TAF3: variants seen among roughly 807,000 people sequenced by gnomAD.
TAF3 encodes TATA-box binding protein associated factor 3.
TAF3 carries 7 observed loss-of-function variants against 80.6 expected under a neutral mutation model. The observed-to-expected ratio is 0.09, with a 90% CI of 0.05 to 0.16. TAF3 has a LOEUF of 0.16. Among genes scored for constraint, TAF3 ranks in the 10% least tolerant of loss-of-function variants. TAF3 has a pLI of 1.00. For missense variants in TAF3, 921 were observed against 1,140.2 expected (o/e 0.81, Z 2.77); for synonymous variants, 444 against 446.1 (o/e 1.00, Z 0.06).
At chr10:7,963,405 A>G (rs543298187) in intron 2 of TAF3, among the ~76,000 whole-genome samples, 1 of 152,336 alleles carries the variant, frequency 6.6e-6, no homozygotes, top group African/African-American at 2.4e-5. Flanking sequence ...TCCTGAGGTT[A>G]GGGCCAGACC....
chr10:7,997,941 G>A (rs192492718), intron 4 of TAF3, among the ~76,000 whole-genome samples: 1 of 152,056 alleles, frequency 6.6e-6, no homozygotes, highest in Admixed American at 6.6e-5. Context: ...TCTCACAAGT[G>A]ATGAAAAATT....
At chr10:7,846,508 G>C (rs1174894624) in intron 2 of TAF3, among the ~76,000 whole-genome samples, 2 of 152,074 alleles carry the variant, frequency 1.3e-5, no homozygotes, top group African/African-American at 4.8e-5. Context: ...CTCCAGTTTA[G>C]TTTTCAAGTT....
intron 2 of TAF3, among the ~76,000 whole-genome samples, chr10:7,865,614 C>T (rs1212289768): frequency 1.3e-5 from 2 of 152,242 alleles, no homozygotes; most frequent in South Asian, 2.1e-4. Context: ...GTGTCGCTGG[C>T]TTTAGCAGCC....
At chr10:7,963,429 A>G (rs1363598351) in intron 2 of TAF3, among the ~76,000 whole-genome samples, 1 of 152,238 alleles carries the variant, frequency 6.6e-6, no homozygotes, top group African/African-American at 2.4e-5. Context: ...TGAAAGGACA[A>G]TGATCAATTT....
chr10:7,874,269 T>G (rs1187871466), intron 2 of TAF3, among the ~76,000 whole-genome samples: 1 of 152,212 alleles, frequency 6.6e-6, no homozygotes, highest in Non-Finnish European at 1.5e-5. Context: ...CATTTAAACT[T>G]GTACTGATGA....
chr10:7,920,860 G>A (rs1291706982), intron 2 of TAF3, among the ~76,000 whole-genome samples: 1 of 152,170 alleles, frequency 6.6e-6, no homozygotes, highest in East Asian at 1.9e-4. Flanking sequence ...TTTTAACAGT[G>A]ATTTATACTG....
chr10:7,818,805 C>A lies in TAF3; in HGVS notation c.96C>A (p.His32Gln). Residue 32 changes from histidine to glutamine, a missense_variant, in exon 1 of 7, where the codon CAC (histidine) becomes CAA (glutamine). His to Gln is a conservative substitution (Grantham distance 24). Transcript: ENST00000344293. ...GWDSVQLSACHLLTDVLQRYL... is the reference protein window; with the variant it reads ...GWDSVQLSACQLLTDVLQRYL... ...ACTCGGTGCAGCTCAGCGCCTGCCA[C>A]CTCCTCACGGACGTGCTGCAGCGCT... 1 of 1,572,944 alleles carries A rather than the reference C, an allele frequency of 6.4e-7. No individual in the cohort carries two copies. The highest frequency in any genetic ancestry group is 8.6e-7 in the Non-Finnish European group (1 of 1,169,498).
intron 2 of TAF3, among the ~76,000 whole-genome samples, chr10:7,952,752 G>A (rs756822065): frequency 4.7e-4 from 71 of 152,256 alleles, no homozygotes; most frequent in Non-Finnish European, 8.4e-4. Flanking sequence ...TGGTTGTAAT[G>A]TATGAATTGT....
chr10:7,937,151 G>A (rs1837929186), intron 2 of TAF3, among the ~76,000 whole-genome samples: 1 of 152,284 alleles, frequency 6.6e-6, no homozygotes, highest in Middle Eastern at 3.4e-3. Context: ...ATATCTGTTT[G>A]CAGGTTTTTG....
intron 4 of TAF3, among the ~76,000 whole-genome samples, chr10:7,989,233 T>G (rs1240128430): frequency 6.6e-6 from 1 of 151,840 alleles, no homozygotes; most frequent in African/African-American, 2.4e-5. Flanking sequence ...TGGCCTGGCT[T>G]ATATGTGTTG....
At chr10:7,900,893 A>G (rs1677871822) in intron 2 of TAF3, among the ~76,000 whole-genome samples, 1 of 148,840 alleles carries the variant, frequency 6.7e-6, no homozygotes, top group Admixed American at 6.8e-5. Flanking sequence ...TAATAAATTT[A>G]TCACAAAACA....
At chr10:7,895,509 C>T (rs565696790) in intron 2 of TAF3, among the ~76,000 whole-genome samples, 1 of 152,264 alleles carries the variant, frequency 6.6e-6, no homozygotes, top group East Asian at 1.9e-4. Context: ...GGTCCTGGCA[C>T]GAACACCTTG....
chr10:7,905,019 T>C (rs888512575), intron 2 of TAF3, among the ~76,000 whole-genome samples: 2 of 152,164 alleles, frequency 1.3e-5, no homozygotes, highest in Admixed American at 6.5e-5. Context: ...ACGTTTCTTG[T>C]ATCCGTGTCT....
At chr10:7,898,523 G>A (rs1837527844) in intron 2 of TAF3, among the ~76,000 whole-genome samples, 1 of 146,394 alleles carries the variant, frequency 6.8e-6, no homozygotes, top group African/African-American at 2.6e-5. Flanking sequence ...TCCAGATTGG[G>A]CGACAGAACA....
chr10:7,852,365 C>T (rs748366302), intron 2 of TAF3, among the ~76,000 whole-genome samples: 1 of 152,216 alleles, frequency 6.6e-6, no homozygotes, highest in Non-Finnish European at 1.5e-5. Context: ...GTCCAAATAA[C>T]ATCCACACGT....
intron 2 of TAF3, among the ~76,000 whole-genome samples, chr10:7,901,488 A>G (rs1837558476): frequency 6.6e-6 from 1 of 152,250 alleles, no homozygotes; most frequent in South Asian, 2.1e-4. Flanking sequence ...CCAACCAACC[A>G]TTGAAAACTA....
At chr10:7,818,970 C>G in intron 1 of TAF3, 95 bp downstream of exon 1, 1 of 1,190,856 alleles carries the variant, frequency 8.4e-7, no homozygotes, top group Non-Finnish European at 1.1e-6. Context: ...GGTGTGCATC[C>G]CGCACCCCGC....
At chr10:7,929,559 G>T (rs111348605) in intron 2 of TAF3, among the ~76,000 whole-genome samples, 2 of 151,988 alleles carry the variant, frequency 1.3e-5, no homozygotes, top group South Asian at 2.1e-4. Flanking sequence ...CACCACACCC[G>T]GCTAATTTTT....
At chr10:7,882,997 C>T (rs1837376125) in intron 2 of TAF3, among the ~76,000 whole-genome samples, 1 of 152,168 alleles carries the variant, frequency 6.6e-6, no homozygotes, top group African/African-American at 2.4e-5. Context: ...TTAAATATTT[C>T]AGTGGGTACT....
Sources: allele counts gnomAD v4.1 joint callset (sites outside exome capture counted in the v4.1 genomes callset), GRCh38; gene constraint gnomAD v4.1.1; transcripts MANE v1.5; gene names NCBI Gene and HGNC (gene_info 2026-07-23, HGNC 2026-07-21).